Variants in SPTLC2 observed in about 807,000 individuals in gnomAD.
SPTLC2 encodes the protein serine palmitoyltransferase 2.
A neutral mutation model predicts 62.0 loss-of-function variants in SPTLC2; 21 were observed. The ratio of observed to expected loss-of-function variants is 0.34; its 90% CI spans 0.24 to 0.49. The LOEUF (loss-of-function observed/expected upper bound fraction) is 0.49, where lower values mean the gene tolerates loss of function less well. Among genes scored for constraint, SPTLC2 ranks in the 20% least tolerant of loss-of-function variants. The probability of loss-of-function intolerance (pLI) is 0.99; values close to 1 mark genes in which losing one functional copy is unlikely to be tolerated. For missense variants in SPTLC2, 511 were observed against 713.0 expected (o/e 0.72, Z 3.23); for synonymous variants, 261 against 261.8 (o/e 1.00, Z 0.03).
intron 1 of SPTLC2, among the ~76,000 whole-genome samples, chr14:77,606,915 GA>G (rs1255004037): frequency 6.6e-6 from 1 of 151,630 alleles, no homozygotes. Flanking sequence ...CCTGAGCCCA[GA>G]AGGTTGAAGC....
chr14:77,575,852 T>C (rs1289366344), intron 4 of SPTLC2, among the ~76,000 whole-genome samples: 3 of 152,216 alleles, frequency 2.0e-5, no homozygotes, highest in Non-Finnish European at 4.4e-5. Context: ...TATCTTTGCA[T>C]GCTTGCTCTA....
chr14:77,517,021 C>T (rs1382886844), intron 11 of SPTLC2, among the ~76,000 whole-genome samples: 4 of 152,144 alleles, frequency 2.6e-5, no homozygotes, highest in South Asian at 2.1e-4. Flanking sequence ...CTGAGGCAGG[C>T]GGATCACCTG....
chr14:77,577,409 A>C (rs1566785670), intron 3 of SPTLC2, among the ~76,000 whole-genome samples: 1 of 152,156 alleles, frequency 6.6e-6, no homozygotes. Flanking sequence ...CCACCAACCT[A>C]GGATGAACAT....
chr14:77,562,236 AACCTCTAATTTTAAAAGACT>A (rs2079618672), intron 6 of SPTLC2, among the ~76,000 whole-genome samples, 140 bp downstream of exon 6: 1 of 152,256 alleles, frequency 6.6e-6, no homozygotes, highest in Admixed American at 6.5e-5. Flanking sequence ...GGCTTCCATC[AACCTCTAATTTTAAAAGACT>A]GGACCGGAAG....
In SPTLC2 at chr14:77,573,033, G is replaced by A. The variant is rs139039288; in HGVS notation, c.632-2525C>T. Among the ~76,000 whole-genome samples the A allele has an allele frequency of 8.7e-4, 132 of 152,196 alleles. 1 individual carries two copies. Among genetic ancestry groups the A allele is most frequent in the African/African-American group, 3.0e-3 (126 of 41,528 alleles). On this transcript the variant is annotated intron_variant, in intron 4 of 11. Transcript: ENST00000216484. ...TGGAGTAGCACTTTTAATTTTCTTC[G>A]AGAACTTTTTTTGCATTCACAACTT...
intron 1 of SPTLC2, among the ~76,000 whole-genome samples, chr14:77,597,690 C>T (rs2079854999): frequency 6.6e-6 from 1 of 151,302 alleles, no homozygotes; most frequent in South Asian, 2.1e-4. Flanking sequence ...AGGAGAGTTG[C>T]TTGAATCTGG....
At chr14:77,610,730 T>C (rs1441822857) in intron 1 of SPTLC2, among the ~76,000 whole-genome samples, 1 of 151,908 alleles carries the variant, frequency 6.6e-6, no homozygotes, top group Non-Finnish European at 1.5e-5. Context: ...AGCAGGAGGA[T>C]GCTTGTGGTC....
chr14:77,556,363 CA>C (rs1425136138), intron 7 of SPTLC2, among the ~76,000 whole-genome samples: 1 of 151,824 alleles, frequency 6.6e-6, no homozygotes, highest in Non-Finnish European at 1.5e-5. Context: ...GCACCAAACA[CA>C]AGCAATCTTA....
chr14:77,564,400 T>TGCATACACAC (rs1165280253), intron 5 of SPTLC2, among the ~76,000 whole-genome samples: 1 of 139,314 alleles, frequency 7.2e-6, no homozygotes, highest in African/African-American at 2.7e-5. Flanking sequence ...TATGCATGCA[T>TGCATACACAC]ACACACACAC....
In SPTLC2 at chr14:77,579,031, G is replaced by T; in HGVS notation, c.406C>A (p.Arg136=). The change falls in exon 3 of 12, where the codon CGG becomes AGG. Residue 136 remains arginine, a synonymous_variant. Transcript: ENST00000216484. ...LYMRIRDNWN[R]PICSVPGARV... ...GCTCCAGGCACACTACAGATTGGCC[G>T]ATTCCAGTTGTCTCTTATCCTCATG... The T allele has an allele frequency of 6.2e-7, 1 of 1,614,028 alleles. No individual in the cohort carries two copies. Among genetic ancestry groups the T allele is most frequent in the Non-Finnish European group, 8.5e-7 (1 of 1,179,970 alleles).
chr14:77,564,573 T>C (rs1489989854), intron 5 of SPTLC2, among the ~76,000 whole-genome samples: 5 of 152,038 alleles, frequency 3.3e-5, no homozygotes, highest in African/African-American at 1.2e-4. Flanking sequence ...CCTTGGTTTC[T>C]AAATATCATT....
chr14:77,597,226 A>G lies in SPTLC2; in HGVS notation c.287T>C (p.Ile96Thr), dbSNP rs2079852183. The G allele has an allele frequency of 6.2e-7, 1 of 1,614,166 alleles. No individual in the cohort carries two copies. The highest frequency in any genetic ancestry group is 8.5e-7 in the Non-Finnish European group (1 of 1,180,024). Residue 96 changes from isoleucine (I) to threonine (T), a missense_variant, in exon 2 of 12, where the codon ATT (isoleucine) becomes ACT (threonine). Physicochemically the swap from Ile to Thr is moderately conservative, Grantham distance 89 (BLOSUM62 -1). Transcript: ENST00000216484. ...YLRDFLRYWR[I>T]EKCHHATERE... ...TTCTGTTGCATGGTGACACTTTTCA[A>G]TTCTCCAATACCTCAAGAAATCTCG...
At chr14:77,524,312 T>C (rs1029750656) in intron 9 of SPTLC2, among the ~76,000 whole-genome samples, 1 of 152,036 alleles carries the variant, frequency 6.6e-6, no homozygotes, top group African/African-American at 2.4e-5. Flanking sequence ...GGAGGGACGA[T>C]GAAAATATTC....
chr14:77,542,370 T>G (rs1166321075), intron 9 of SPTLC2, among the ~76,000 whole-genome samples: 1 of 152,314 alleles, frequency 6.6e-6, no homozygotes, highest in East Asian at 1.9e-4. Flanking sequence ...TAAATGGCAC[T>G]GGAAAATCTT....
intron 2 of SPTLC2, among the ~76,000 whole-genome samples, chr14:77,583,199 C>CAATAAATAAATA (rs58888587): frequency 0.081 from 10,763 of 132,396 alleles, 586 homozygotes; most frequent in East Asian, 0.17. Context: ...AAAGCTGTCT[C>CAATAAATAAATA]AATAAATAAA....
At chr14:77,608,002 T>C (rs1054433475) in intron 1 of SPTLC2, among the ~76,000 whole-genome samples, 10 of 152,292 alleles carry the variant, frequency 6.6e-5, no homozygotes, top group African/African-American at 2.4e-4. Context: ...GCTGACACGT[T>C]TCCCCTTCCT....
chr14:77,572,664 CTG>C (rs1218353080), intron 4 of SPTLC2, among the ~76,000 whole-genome samples: 3 of 152,186 alleles, frequency 2.0e-5, no homozygotes, highest in Admixed American at 1.3e-4. Context: ...CATTGAAAAT[CTG>C]TGATTTATTG....
At chr14:77,537,359 A>G (rs2140006046) in intron 9 of SPTLC2, among the ~76,000 whole-genome samples, 1 of 151,818 alleles carries the variant, frequency 6.6e-6, no homozygotes, top group East Asian at 1.9e-4. Flanking sequence ...GTAATTCATT[A>G]ATTTGCTCTT....
chr14:77,533,059 A>G (rs956570547), intron 9 of SPTLC2, among the ~76,000 whole-genome samples: 2 of 152,180 alleles, frequency 1.3e-5, no homozygotes, highest in Non-Finnish European at 2.9e-5. Context: ...GCACTTTGGG[A>G]GGCCAAGGTG....
Sources: allele counts gnomAD v4.1 joint callset (sites outside exome capture counted in the v4.1 genomes callset), GRCh38; gene constraint gnomAD v4.1.1; transcripts MANE v1.5; gene names NCBI Gene and HGNC (gene_info 2026-07-23, HGNC 2026-07-21).